Variants in CNTN5 observed in about 807,000 individuals in gnomAD.
CNTN5 encodes contactin 5.
CNTN5 carries 77 observed loss-of-function variants against 129.1 expected under a neutral mutation model. The observed-to-expected ratio is 0.60, with a 90% CI of 0.50 to 0.72. The LOEUF (loss-of-function observed/expected upper bound fraction) is 0.72. Among genes scored for constraint, CNTN5 ranks in the 30% least tolerant of loss-of-function variants. The pLI, the probability that CNTN5 is intolerant of heterozygous loss-of-function variation, is 0.00. For synonymous variants in CNTN5, 509 were observed against 465.6 expected (o/e 1.09, Z -1.20); for missense variants, 1,478 against 1,328.8 (o/e 1.11, Z -1.75).
chr11:99,999,131 G>A (rs1400251436), intron 8 of CNTN5, among the ~76,000 whole-genome samples: 2 of 151,952 alleles, frequency 1.3e-5, no homozygotes, highest in East Asian at 3.9e-4. Flanking sequence ...AAAAGCAATG[G>A]CAACAAAAGC....
rs1189644827 is a variant in CNTN5, at chr11:99,982,832, G to A, written c.878-19202G>A. On this transcript the variant is annotated intron_variant, in intron 8 of 24. Coordinates refer to ENST00000524871, the MANE Select transcript of CNTN5 (RefSeq NM_014361.4). ...ATTTTTTTGTATTTTTAGTAGATACGGGGTTTCACCGTATTAGCCAGGATG... is the reference window on the plus strand; with the variant it reads ...ATTTTTTTGTATTTTTAGTAGATACAGGGTTTCACCGTATTAGCCAGGATG... 3.9e-5 allele frequency among the ~76,000 whole-genome samples: 6 copies of A among 151,994 alleles called. No homozygotes were observed. The South Asian group carries it at 6.2e-4, about 16-fold the overall frequency.
At chr11:99,260,253 T>G (rs1862566116) in intron 1 of CNTN5, among the ~76,000 whole-genome samples, 1 of 151,760 alleles carries the variant, frequency 6.6e-6, no homozygotes, top group Non-Finnish European at 1.5e-5. Context: ...TAAACTGCCT[T>G]AAATATATAT....
intron 3 of CNTN5, among the ~76,000 whole-genome samples, chr11:99,734,581 A>T (rs925050645): frequency 1.3e-5 from 2 of 152,062 alleles, no homozygotes; most frequent in African/African-American, 4.8e-5. Flanking sequence ...ACATTACTAG[A>T]TTCTTAATTT....
intron 1 of CNTN5, among the ~76,000 whole-genome samples, chr11:99,196,333 AC>A (rs1858900584): frequency 6.6e-6 from 1 of 151,932 alleles, no homozygotes; most frequent in Non-Finnish European, 1.5e-5. Context: ...CATTATAAAA[AC>A]AATTGTAAAT....
chr11:100,267,280 C>CACACACACGCACAG (rs371454644), intron 17 of CNTN5, among the ~76,000 whole-genome samples: 4 of 148,584 alleles, frequency 2.7e-5, no homozygotes. Flanking sequence ...CACACACACA[C>CACACACACGCACAG]AGAGAGAGAG....
chr11:99,993,907 A>G (rs537840392), intron 8 of CNTN5, among the ~76,000 whole-genome samples: 47 of 152,228 alleles, frequency 3.1e-4, no homozygotes, highest in Non-Finnish European at 5.3e-4. Flanking sequence ...GAAAATTTTA[A>G]AAACCAGTTA....
At chr11:99,536,720 C>A (rs1028650350) in intron 2 of CNTN5, among the ~76,000 whole-genome samples, 1 of 151,716 alleles carries the variant, frequency 6.6e-6, no homozygotes, top group African/African-American at 2.4e-5. Context: ...CATGACAATT[C>A]TTTGGAGAAA....
intron 3 of CNTN5, among the ~76,000 whole-genome samples, chr11:99,796,656 G>A (rs1036360023): frequency 1.3e-5 from 2 of 151,672 alleles, no homozygotes; most frequent in Admixed American, 1.3e-4. Flanking sequence ...GGGCTGCTCT[G>A]GTAGAACTGG....
At chr11:99,917,927 G>T (rs1415256964) in intron 7 of CNTN5, among the ~76,000 whole-genome samples, 1 of 152,036 alleles carries the variant, frequency 6.6e-6, no homozygotes, top group Non-Finnish European at 1.5e-5. Flanking sequence ...TTCAGTAATC[G>T]TGTTTTACAT....
chr11:99,346,475 C>T (rs1937882915), intron 2 of CNTN5, among the ~76,000 whole-genome samples: 1 of 151,718 alleles, frequency 6.6e-6, no homozygotes, highest in Non-Finnish European at 1.5e-5. Context: ...CTTCGCCATC[C>T]CTGGAGAGAG....
At chr11:99,508,930 C>A (rs771624480) in intron 2 of CNTN5, among the ~76,000 whole-genome samples, 1 of 152,130 alleles carries the variant, frequency 6.6e-6, no homozygotes, top group Non-Finnish European at 1.5e-5. Flanking sequence ...ATCAGCCCGC[C>A]GCAGCCTCCC....
At chr11:99,291,014 C>T (rs1039542638) in intron 1 of CNTN5, among the ~76,000 whole-genome samples, 1 of 151,838 alleles carries the variant, frequency 6.6e-6, no homozygotes, top group African/African-American at 2.4e-5. Context: ...CAGGTATGTG[C>T]TGCTAAACAC....
At chr11:99,736,751 T>C (rs1383714750) in intron 3 of CNTN5, among the ~76,000 whole-genome samples, 2 of 152,172 alleles carry the variant, frequency 1.3e-5, no homozygotes, top group Admixed American at 1.3e-4. Context: ...TAGGCCTATC[T>C]ATATGTATCT....
In CNTN5 at chr11:100,188,186, G is replaced by A. The variant is rs552323883; in HGVS notation, c.1581-2940G>A. ...CAGCCAGGTGCAGTGGCTCACTCCT[G>A]TAATCCTAGCACTTTGGGAGGCCAC... On this transcript the variant is annotated intron_variant, in intron 13 of 24. Coordinates refer to ENST00000524871, the MANE Select transcript of CNTN5 (RefSeq NM_014361.4). Among the ~76,000 whole-genome samples the A allele has an allele frequency of 3.9e-5, 6 of 152,308 alleles. No homozygotes were observed. In the East Asian group the frequency reaches 9.7e-4, roughly 25 times the overall value.
intron 2 of CNTN5, among the ~76,000 whole-genome samples, chr11:99,434,093 A>T (rs1312679548): frequency 2.0e-5 from 3 of 152,128 alleles, no homozygotes; most frequent in African/African-American, 7.2e-5. Context: ...CCCCAATATA[A>T]TCTTCGGCTG....
rs529146327 is a variant in CNTN5, at chr11:100,007,240, T to C, written c.980+5104T>C. On this transcript the variant is annotated intron_variant, in intron 9 of 24. Coordinates refer to ENST00000524871, the MANE Select transcript of CNTN5 (RefSeq NM_014361.4). ...TCTTAAGGGCCCTATGATTTTCAAA[T>C]TGGTAAATGAGCATTGGCTTCAGAT... 9.2e-5 allele frequency among the ~76,000 whole-genome samples: 14 copies of C among 152,148 alleles called. No individual in the cohort carries two copies. The East Asian group carries it at 2.5e-3, about 27-fold the overall frequency.
intron 3 of CNTN5, among the ~76,000 whole-genome samples, chr11:99,743,618 G>C (rs1016269933): frequency 1.3e-5 from 2 of 152,152 alleles, no homozygotes; most frequent in Non-Finnish European, 2.9e-5. Context: ...CAGAGTCCAT[G>C]AATAGACTCT....
intron 4 of CNTN5, among the ~76,000 whole-genome samples, chr11:99,825,524 T>C (rs537315702): frequency 8.9e-4 from 135 of 152,184 alleles, no homozygotes; most frequent in African/African-American, 3.2e-3. Context: ...TCATAATTTC[T>C]TATAATTTTT....
intron 17 of CNTN5, among the ~76,000 whole-genome samples, chr11:100,265,823 G>T (rs1448497766): frequency 1.3e-5 from 2 of 152,124 alleles, no homozygotes; most frequent in African/African-American, 4.8e-5. Context: ...CATCTCACTT[G>T]CAGACCTCTT....
Sources: gnomAD v4.1 joint callset for allele counts (sites outside exome capture counted in the v4.1 genomes callset) on GRCh38, gnomAD v4.1.1 for gene constraint, MANE v1.5 for transcripts, NCBI Gene and HGNC (gene_info 2026-07-23, HGNC 2026-07-21) for gene names.